Variants in NDUFAF6 observed in about 807,000 individuals in gnomAD.
NDUFAF6 encodes the protein NADH:ubiquinone oxidoreductase complex assembly factor 6.
A neutral mutation model predicts 40.8 loss-of-function variants in NDUFAF6; 45 were observed. The ratio of observed to expected loss-of-function variants is 1.10; its 90% CI spans 0.87 to 1.42. The LOEUF is 1.42. NDUFAF6 is among the 40% of genes most tolerant of loss of function. The pLI, the probability that NDUFAF6 is intolerant of heterozygous loss-of-function variation, is 0.00. For missense variants in NDUFAF6, 435 were observed against 418.5 expected (o/e 1.04, Z -0.34); for synonymous variants, 185 against 155.9 (o/e 1.19, Z -1.39).
chr8:94,993,758 CA>C (rs1193574546), intron 2 of NDUFAF6, among the ~76,000 whole-genome samples: 1 of 152,078 alleles, frequency 6.6e-6, no homozygotes, highest in East Asian at 1.9e-4. Flanking sequence ...ATCCAGCCCA[CA>C]AAAATAATAA....
upstream of NDUFAF6, among the ~76,000 whole-genome samples, chr8:95,096,985 C>A (rs1809484466): frequency 6.6e-6 from 1 of 152,220 alleles, no homozygotes; most frequent in Non-Finnish European, 1.5e-5. Context: ...GGACCTCTAG[C>A]AGCTCATCAG....
chr8:94,999,335 G>T (rs1826606573), intron 2 of NDUFAF6, among the ~76,000 whole-genome samples: 10 of 152,026 alleles, frequency 6.6e-5, no homozygotes. Context: ...TGTTGGCCAG[G>T]ATCGTCTCGA....
rs10105437 is a variant in NDUFAF6, at chr8:95,031,814, T to G, written c.198-181T>G. 1.4e-3 allele frequency among the ~76,000 whole-genome samples: 215 copies of G among 152,134 alleles called. 2 individuals are homozygous for G. The Middle Eastern group carries it at 0.031, about 22-fold the overall frequency. ...CGAGGTTTCACCATGTTGGCCAGGC[T>G]GGTCTCGAACTCCTGGCTTCAGGTG... On this transcript the variant is annotated intron_variant, in intron 1 of 8. Coordinates refer to ENST00000396124, the MANE Select transcript of NDUFAF6 (RefSeq NM_152416.4).
At chr8:94,930,162 G>A (rs1219298266) in intron 1 of NDUFAF6, 1 of 263,270 alleles carries the variant, frequency 3.8e-6, no homozygotes, top group Non-Finnish European at 7.2e-6. Flanking sequence ...TCTCGTACTT[G>A]GGAAGAAATG....
At chr8:95,026,219 G>A (rs552776091) in intron 1 of NDUFAF6, among the ~76,000 whole-genome samples, 1 of 152,074 alleles carries the variant, frequency 6.6e-6, no homozygotes, top group Non-Finnish European at 1.5e-5. Flanking sequence ...TGTAATCTCC[G>A]CACTTTAGGA....
chr8:95,088,355 A>G (rs1294786505), intron 2 of NDUFAF6, among the ~76,000 whole-genome samples: 1 of 152,200 alleles, frequency 6.6e-6, no homozygotes, highest in African/African-American at 2.4e-5. Context: ...TTCCCTCTAG[A>G]AAAGGTAACT....
chr8:94,991,239 A>G (rs1466987485), intron 2 of NDUFAF6, among the ~76,000 whole-genome samples: 2 of 152,196 alleles, frequency 1.3e-5, no homozygotes, highest in East Asian at 1.9e-4. Flanking sequence ...ATATCTTCCA[A>G]TCTCCAGCTC....
In NDUFAF6 at chr8:94,962,811, G is replaced by A. The variant is rs191708008; in HGVS notation, c.-199+4632G>A. On this transcript the variant is annotated intron_variant, in intron 1 of 9. Coordinates refer to the NDUFAF6 transcript ENST00000396111. ...TTTTTCTTTTTTTTTTTTGTTTGGA[G>A]ATGGAGTCTCGCTGTGTTGCCCAGG... Among the ~76,000 whole-genome samples the A allele has an allele frequency of 4.0e-3, 588 of 148,240 alleles. 3 individuals carry two copies. The highest frequency in any genetic ancestry group is 0.014 in the African/African-American group (558 of 40,134).
chr8:94,978,532 A>G (rs1300898410), intron 1 of NDUFAF6, among the ~76,000 whole-genome samples: 1 of 152,106 alleles, frequency 6.6e-6, no homozygotes, highest in Admixed American at 6.6e-5. Flanking sequence ...CTCTGGCAAC[A>G]CAGTGAGACC....
chr8:94,989,087 A>G (rs1313993438), intron 2 of NDUFAF6: 1 of 152,222 alleles, frequency 6.6e-6, no homozygotes, highest in Non-Finnish European at 1.5e-5. Flanking sequence ...AAAACTCTGC[A>G]TATACTGAAA....
At chr8:94,960,213 C>A (rs1424216398) in intron 1 of NDUFAF6, among the ~76,000 whole-genome samples, 2 of 152,202 alleles carry the variant, frequency 1.3e-5, no homozygotes, top group Non-Finnish European at 2.9e-5. Context: ...ATACTTCATC[C>A]ATTGAAGACG....
In NDUFAF6 at chr8:95,036,086, C is replaced by A. The variant is rs1217990769; in HGVS notation, c.420+510C>A. On this transcript the variant is annotated intron_variant, in intron 3 of 8. Transcript: ENST00000396124. Reference sequence around the variant, plus strand: ...GTCTAGTTTGATAGAATTATCTATCCATTGTTGAGTTTTAGGTGTTAGAGA... The same window carrying A: ...GTCTAGTTTGATAGAATTATCTATCAATTGTTGAGTTTTAGGTGTTAGAGA... Among the ~76,000 whole-genome samples, 3 of 152,112 alleles carry A rather than the reference C, an allele frequency of 2.0e-5. No individual in the cohort carries two copies. The East Asian group carries it at 5.8e-4, about 29-fold the overall frequency.
intron 1 of NDUFAF6, among the ~76,000 whole-genome samples, chr8:94,907,306 G>A (rs539960780): frequency 6.6e-6 from 1 of 152,284 alleles, no homozygotes; most frequent in East Asian, 1.9e-4. Context: ...CTTGCACAGT[G>A]CATCATACTA....
downstream of NDUFAF6, among the ~76,000 whole-genome samples, chr8:95,077,513 G>A (rs561522259): frequency 6.6e-6 from 1 of 152,336 alleles, no homozygotes; most frequent in East Asian, 1.9e-4. Context: ...TCATGTCCCA[G>A]GTAGGACAGA....
At chr8:94,986,592 GT>G (rs1355524603) in intron 2 of NDUFAF6, among the ~76,000 whole-genome samples, 4 of 152,152 alleles carry the variant, frequency 2.6e-5, no homozygotes, top group Non-Finnish European at 5.9e-5. Context: ...AAATTGAGAG[GT>G]TCTTGAAGCC....
At chr8:95,077,510 C>G (rs541362486), downstream of NDUFAF6, among the ~76,000 whole-genome samples, 2 of 152,254 alleles carry the variant, frequency 1.3e-5, no homozygotes, top group South Asian at 4.1e-4. Flanking sequence ...GATTCATGTC[C>G]CAGGTAGGAC....
chr8:94,953,216 G>A (rs1357339925), upstream of NDUFAF6, among the ~76,000 whole-genome samples: 1 of 152,078 alleles, frequency 6.6e-6, no homozygotes, highest in East Asian at 1.9e-4. Context: ...TCATGGTGGT[G>A]CATTCCTGTA....
intron 1 of NDUFAF6, among the ~76,000 whole-genome samples, chr8:94,917,433 T>C (rs1463218685): frequency 6.6e-6 from 1 of 152,202 alleles, no homozygotes; most frequent in Non-Finnish European, 1.5e-5. Flanking sequence ...CCTCCTAATA[T>C]AACAATTGCG....
At chr8:95,112,942 C>T (rs1810038161) in intron 4 of NDUFAF6, among the ~76,000 whole-genome samples, 1 of 152,248 alleles carries the variant, frequency 6.6e-6, no homozygotes, top group African/African-American at 2.4e-5. Flanking sequence ...TGGCCCACTG[C>T]CAGGCCAGGC....
Sources: gnomAD v4.1 joint callset for allele counts (sites outside exome capture counted in the v4.1 genomes callset) on GRCh38, gnomAD v4.1.1 for gene constraint, MANE v1.5 for transcripts, NCBI Gene and HGNC (gene_info 2026-07-23, HGNC 2026-07-21) for gene names.